SDK1: variants seen among roughly 807,000 people sequenced by gnomAD.
SDK1 encodes protein sidekick-1.
Under a neutral mutation model 245.5 loss-of-function variants are expected in SDK1, and 157 were observed. The ratio of observed to expected loss-of-function variants is 0.64; its 90% CI spans 0.56 to 0.73. SDK1 has a LOEUF of 0.73. SDK1 is among the 30% of genes least tolerant of loss of function. SDK1 has a pLI of 0.00. For synonymous variants in SDK1, 1,647 were observed against 1,278.5 expected, an observed-to-expected ratio of 1.29 and a Z score of -6.15; for missense variants, 3,583 against 3,002.3, an observed-to-expected ratio of 1.19 and a Z score of -4.52.
intron 2 of SDK1, among the ~76,000 whole-genome samples, chr7:3,636,910 G>T (rs1331431135): frequency 6.6e-6 from 1 of 152,080 alleles, no homozygotes; most frequent in East Asian, 1.9e-4. Flanking sequence ...TTATGGTTTG[G>T]GTTTGCATTT....
chr7:3,662,244 A>G (rs6956079), intron 4 of SDK1, among the ~76,000 whole-genome samples: 38,326 of 151,964 alleles, frequency 0.25, 5,165 homozygotes, highest in South Asian at 0.31. Context: ...GTCCTACGGG[A>G]AAAGTTGTAA....
chr7:3,596,050 G>A (rs981775617), intron 1 of SDK1, among the ~76,000 whole-genome samples: 4 of 151,422 alleles, frequency 2.6e-5, no homozygotes, highest in African/African-American at 9.7e-5. Context: ...TTGGTATGAA[G>A]TAGATGCTCA....
chr7:4,027,032 G>A (rs1020610567), intron 17 of SDK1, among the ~76,000 whole-genome samples: 6 of 152,174 alleles, frequency 3.9e-5, no homozygotes, highest in Non-Finnish European at 8.8e-5. Context: ...CATGAAAAAC[G>A]GTGTGTGCTG....
intron 1 of SDK1, among the ~76,000 whole-genome samples, chr7:3,515,631 C>G (rs930213867): frequency 6.6e-6 from 1 of 152,096 alleles, no homozygotes; most frequent in African/African-American, 2.4e-5. Context: ...ACTGAAGGAA[C>G]AAGTAACTTT....
At chr7:4,248,679 T>C (rs1787079997) in intron 44 of SDK1, among the ~76,000 whole-genome samples, 1 of 151,572 alleles carries the variant, frequency 6.6e-6, no homozygotes, top group African/African-American at 2.4e-5. Flanking sequence ...CACACCTGAA[T>C]ACATGCACAC....
chr7:3,764,308 T>C (rs1005089744), intron 4 of SDK1, among the ~76,000 whole-genome samples: 1 of 152,204 alleles, frequency 6.6e-6, no homozygotes, highest in Non-Finnish European at 1.5e-5. Context: ...TTCTCCATCC[T>C]ACTGGACAAA....
chr7:4,074,912 ATATATTT>A lies in SDK1; in HGVS notation c.3011-2084_3011-2078del, dbSNP rs1438268140. On this transcript the variant is annotated intron_variant, in intron 20 of 44. Coordinates refer to ENST00000404826, the MANE Select transcript of SDK1 (RefSeq NM_152744.4). Reference sequence around the variant, plus strand: ...TATATATATATATATATATATATATATATATTTTTTTTTTTTTTTAATAAAGTTAGGA... The same window carrying A: ...TATATATATATATATATATATATATATTTTTTTTTTTTAATAAAGTTAGGA... Among the ~76,000 whole-genome samples, 12 of 76,530 alleles carry A rather than the reference ATATATTT, an allele frequency of 1.6e-4. 1 individual carries two copies. The highest frequency in any genetic ancestry group is 1.2e-3 in the African/African-American group (12 of 9,686). The allele number at this position is 76,530 out of a possible 152,430, so 50.2% of individuals were successfully genotyped here.
intron 33 of SDK1, among the ~76,000 whole-genome samples, 160 bp downstream of exon 33, chr7:4,174,517 G>A (rs1782061522): frequency 6.6e-6 from 1 of 152,168 alleles, no homozygotes; most frequent in African/African-American, 2.4e-5. Flanking sequence ...ACCCACCAGG[G>A]GCACACAGGG....
chr7:3,500,498 G>C (rs1782163067), intron 1 of SDK1, among the ~76,000 whole-genome samples: 1 of 152,106 alleles, frequency 6.6e-6, no homozygotes, highest in Admixed American at 6.5e-5. Flanking sequence ...CAGTGTTGCT[G>C]TTGAGAAGTT....
At chr7:4,154,046 C>T (rs1057006549) in intron 30 of SDK1, among the ~76,000 whole-genome samples, 7 of 152,112 alleles carry the variant, frequency 4.6e-5, no homozygotes, top group Admixed American at 3.9e-4. Flanking sequence ...AGCAGTGAAT[C>T]GCTTTAAAAA....
chr7:3,790,906 AGT>A (rs1781061850), intron 4 of SDK1, among the ~76,000 whole-genome samples: 1 of 152,104 alleles, frequency 6.6e-6, no homozygotes, highest in East Asian at 1.9e-4. Context: ...CAGAAGCTAA[AGT>A]GTGTAGAAAT....
At chr7:3,476,341 C>G (rs1355989352) in intron 1 of SDK1, among the ~76,000 whole-genome samples, 1 of 152,196 alleles carries the variant, frequency 6.6e-6, no homozygotes, top group Non-Finnish European at 1.5e-5. Flanking sequence ...CGTTACCGCT[C>G]CTGGTCGCAT....
rs761874492 is a variant in SDK1, at chr7:4,113,273, G to A, written c.3435-16G>A. On this transcript the variant is annotated splice_polypyrimidine_tract_variant and intron_variant, in intron 23 of 44. Coordinates refer to ENST00000404826, the MANE Select transcript of SDK1 (RefSeq NM_152744.4). The stretch of plus-strand genomic sequence containing the variant: ...CTTTGCTTTGCCGTGACTCTCATCA[G>A]TGGTTTTTCCTTTAGATTTCGAATG... 22 of 1,610,670 alleles carry A rather than the reference G, an allele frequency of 1.4e-5. No homozygotes were observed. Among genetic ancestry groups the A allele is most frequent in the Non-Finnish European group, 1.9e-5 (22 of 1,178,276 alleles).
At chr7:4,198,594 T>C (rs1446684366) in intron 35 of SDK1, among the ~76,000 whole-genome samples, 1 of 152,192 alleles carries the variant, frequency 6.6e-6, no homozygotes, top group Non-Finnish European at 1.5e-5. Flanking sequence ...GCTTTTGCCA[T>C]AGAAGGTGGA....
At chr7:3,464,712 A>ATG (rs1338509014) in intron 1 of SDK1, among the ~76,000 whole-genome samples, 3 of 151,450 alleles carry the variant, frequency 2.0e-5, no homozygotes, top group Non-Finnish European at 4.4e-5. Context: ...ATATATATAT[A>ATG]TATACACACA....
intron 30 of SDK1, among the ~76,000 whole-genome samples, 175 bp from the exon 31 acceptor site, chr7:4,158,273 A>G (rs1780894982): frequency 6.6e-6 from 1 of 152,130 alleles, no homozygotes; most frequent in South Asian, 2.1e-4. Flanking sequence ...CTAGGAAGTG[A>G]TTGGGTCCGA....
intron 4 of SDK1, among the ~76,000 whole-genome samples, chr7:3,781,215 T>C (rs1780725371): frequency 6.6e-6 from 1 of 152,122 alleles, no homozygotes; most frequent in Non-Finnish European, 1.5e-5. Context: ...ATCTCAATAG[T>C]GGCCAAGGAA....
chr7:3,818,474 T>C (rs905893898), intron 4 of SDK1, among the ~76,000 whole-genome samples: 2 of 152,222 alleles, frequency 1.3e-5, no homozygotes, highest in African/African-American at 4.8e-5. Context: ...TGGCCTGTAA[T>C]TGTACCACTC....
chr7:4,084,725 T>C (rs540952873), intron 22 of SDK1, among the ~76,000 whole-genome samples: 262 of 92,556 alleles, frequency 2.8e-3, no homozygotes, highest in South Asian at 0.014. Context: ...TGTTATGTTA[T>C]GTTATGTTGT....
Sources: allele counts gnomAD v4.1 joint callset (sites outside exome capture counted in the v4.1 genomes callset), GRCh38; gene constraint gnomAD v4.1.1; transcripts MANE v1.5; gene names NCBI Gene and HGNC (gene_info 2026-07-23, HGNC 2026-07-21).